Variants in MEG3 observed in about 807,000 individuals in gnomAD.
MEG3 encodes the protein maternally expressed 3.
intron 3 of MEG3, chr14:100,847,288 A>G (rs1044967627): frequency 6.6e-6 from 1 of 152,198 alleles, no homozygotes; most frequent in Non-Finnish European, 1.5e-5. Context: ...TGACAAAAGA[A>G]AGAAAAAAAG....
chr14:100,838,863 C>T (rs554781342), intron 2 of MEG3, among the ~76,000 whole-genome samples: 1 of 152,208 alleles, frequency 6.6e-6, no homozygotes, highest in South Asian at 2.1e-4. Context: ...CTCACTCGCC[C>T]CCACATTCTC....
exon 2 of MEG3, chr14:100,836,207 CGGATGGAAGCTGCG>C (rs1387810988): frequency 2.2e-6 from 1 of 456,336 alleles, no homozygotes; most frequent in Non-Finnish European, 4.4e-6. Flanking sequence ...TGAAGAACTG[CGGATGGAAGCTGCG>C]GAAGAGGCCC....
chr14:100,839,936 A>T (rs775465094), intron 2 of MEG3, among the ~76,000 whole-genome samples: 5 of 120,716 alleles, frequency 4.1e-5, no homozygotes, highest in Non-Finnish European at 7.4e-5. Flanking sequence ...CCTGATCCTC[A>T]CCATGGAAAA....
chr14:100,839,172 G>T (rs190168143), intron 2 of MEG3, among the ~76,000 whole-genome samples: 1 of 152,186 alleles, frequency 6.6e-6, no homozygotes, highest in Non-Finnish European at 1.5e-5. Context: ...CCTACAGAAG[G>T]GGGTGTGGAG....
rs145646105 is a variant in MEG3 at position 100,834,938 on chromosome 14, G to A, written n.1970G>A. 1,488 of 404,434 alleles carry A rather than the reference G, an allele frequency of 3.7e-3. 16 individuals carry two copies. The highest frequency in any genetic ancestry group is 0.027 in the African/African-American group (1,308 of 49,348). The allele number at this position is 404,434 out of a possible 1,614,324, so 25.1% of individuals were successfully genotyped here. On this transcript the variant is annotated non_coding_transcript_exon_variant, in exon 1 of 4. Coordinates refer to the MEG3 transcript ENST00000398461. ...CTGCATTCACCCGCGCGGCCATCCC[G>A]TCATCCAACAGTTGATCCTAACTGA...
upstream of MEG3, chr14:100,856,620 G>A (rs566935175): frequency 6.5e-6 from 1 of 152,802 alleles, no homozygotes; most frequent in African/African-American, 2.4e-5. Context: ...AGCTGAGTGG[G>A]AGAGCATTTA....
chr14:100,828,515 G>GA (rs140061379), intron 1 of MEG3, among the ~76,000 whole-genome samples: 2 of 79,902 alleles, frequency 2.5e-5, no homozygotes, highest in African/African-American at 5.3e-5. Context: ...CCCTCTCCCT[G>GA]CCCCCCTCCT....
upstream of MEG3, chr14:100,857,209 A>G (rs2281510): frequency 0.35 from 52,547 of 152,046 alleles, 9,272 homozygotes; most frequent in Admixed American, 0.43. Context: ...CGTCATGTTG[A>G]TGGAACTTGA....
chr14:100,859,529 A>T (rs1160704802), exon 1 of MEG3: 5 of 152,158 alleles, frequency 3.3e-5, no homozygotes, highest in African/African-American at 1.2e-4. Flanking sequence ...GAGGCTTCAG[A>T]AGCCCCTGCC....
At chr14:100,826,510 G>C (rs1335488659) in intron 1 of MEG3, 1 of 152,302 alleles carries the variant, frequency 6.6e-6, no homozygotes, top group African/African-American at 2.4e-5. Flanking sequence ...GGAATCAGAT[G>C]GAACTCCTCT....
intron 1 of MEG3, among the ~76,000 whole-genome samples, chr14:100,827,094 G>A (rs545356785): frequency 6.6e-6 from 1 of 152,204 alleles, no homozygotes; most frequent in East Asian, 1.9e-4. Flanking sequence ...GGGGTGCCGC[G>A]GGGGTCTTCA....
chr14:100,836,178 G>A (rs756231931), exon 2 of MEG3: 42 of 455,288 alleles, frequency 9.2e-5, no homozygotes, highest in Middle Eastern at 3.2e-4. Flanking sequence ...CACGTGGGCC[G>A]TGGCCCGGCT....
chr14:100,826,167 G>A (rs2037223711), intron 1 of MEG3: 2 of 152,326 alleles, frequency 1.3e-5, no homozygotes, highest in Admixed American at 1.3e-4. Flanking sequence ...GCTGGCCTTG[G>A]CGGCGGCTCC....
intron 2 of MEG3, among the ~76,000 whole-genome samples, chr14:100,838,435 G>A (rs559051613): frequency 2.6e-5 from 4 of 152,300 alleles, no homozygotes; most frequent in South Asian, 4.1e-4. Flanking sequence ...AAGTTGAAAC[G>A]TGACTTACTA....
At chr14:100,848,047 G>T (rs558116917) in intron 3 of MEG3, 1 of 152,284 alleles carries the variant, frequency 6.6e-6, no homozygotes, top group East Asian at 1.9e-4. Context: ...ATGGCAATGA[G>T]CTCCGAAGAC....
intron 2 of MEG3, among the ~76,000 whole-genome samples, chr14:100,843,588 AG>A (rs2037823212): frequency 6.6e-6 from 1 of 152,198 alleles, no homozygotes; most frequent in African/African-American, 2.4e-5. Context: ...ATGAAGGGCA[AG>A]GCCAGGGAAG....
chr14:100,829,306 G>A (rs1468335272), downstream of MEG3: 1 of 152,222 alleles, frequency 6.6e-6, no homozygotes, highest in South Asian at 2.1e-4. Context: ...CCCTCCCCAA[G>A]GGGGTGTCAG....
intron 2 of MEG3, among the ~76,000 whole-genome samples, chr14:100,839,199 C>G (rs1470473893): frequency 6.6e-6 from 1 of 152,008 alleles, no homozygotes; most frequent in Non-Finnish European, 1.5e-5. Context: ...AGATTCAGGT[C>G]CCAAAGGGTT....
downstream of MEG3, chr14:100,829,705 A>G (rs545869379): frequency 1.3e-5 from 2 of 152,338 alleles, no homozygotes; most frequent in East Asian, 1.9e-4. Flanking sequence ...TTATTCTCCA[A>G]CAGCACTCCA....
Sources: gnomAD v4.1 joint callset for allele counts (sites outside exome capture counted in the v4.1 genomes callset) on GRCh38, gnomAD v4.1.1 for gene constraint, MANE v1.5 for transcripts, NCBI Gene and HGNC (gene_info 2026-07-23, HGNC 2026-07-21) for gene names.